Variants in ZNF880 observed in about 807,000 individuals in gnomAD.
ZNF880 encodes zinc finger protein LOC400713.
Under a neutral mutation model 11.8 loss-of-function variants are expected in ZNF880, and 12 were observed. The ratio of observed to expected loss-of-function variants is 1.02; its 90% CI spans 0.65 to 1.65. The LOEUF (loss-of-function observed/expected upper bound fraction) is 1.65, where lower values mean the gene tolerates loss of function less well. Among genes scored for constraint, ZNF880 ranks in the 40% most tolerant of loss-of-function variants. The pLI is 0.00. For missense variants in ZNF880, 601 were observed against 673.9 expected (o/e 0.89, Z 1.20); for synonymous variants, 210 against 232.4 (o/e 0.90, Z 0.88).
chr19:52,378,311 C>T (rs1159395140), intron 3 of ZNF880, among the ~76,000 whole-genome samples: 1 of 152,082 alleles, frequency 6.6e-6, no homozygotes, highest in Non-Finnish European at 1.5e-5. Flanking sequence ...GGTGGCTCTT[C>T]TGAGATTTTT....
At chr19:52,386,437 G>A (rs1211118291), downstream of ZNF880, among the ~76,000 whole-genome samples, 3 of 143,142 alleles carry the variant, frequency 2.1e-5, no homozygotes, top group African/African-American at 8.2e-5. Context: ...CATATCTGTA[G>A]AAATCATGCA....
chr19:52,376,527 T>TTTTTTTTTGAGATG (rs1986561704), intron 3 of ZNF880, among the ~76,000 whole-genome samples: 1 of 138,594 alleles, frequency 7.2e-6, no homozygotes. Context: ...TTTTTTTTTT[T>TTTTTTTTTGAGATG]GAGACAGCGT....
At chr19:52,376,643 G>A (rs1986566916) in intron 3 of ZNF880, among the ~76,000 whole-genome samples, 3 of 151,394 alleles carry the variant, frequency 2.0e-5, no homozygotes, top group Non-Finnish European at 4.4e-5. Flanking sequence ...CTGAGTAGCT[G>A]GGATTACAGG....
Position 52,369,960 on chromosome 19 carries a change from A to C in ZNF880, c.-6A>C. On this transcript the variant is annotated 5_prime_UTR_variant, in exon 1 of 4. Transcript: ENST00000422689. ...ACCCGGAAGCAGATTACGTGGAGTG[A>C]CGGTCATGCTGCGGCGTGTGAGTTT... The C allele has an allele frequency of 3.9e-6, 6 of 1,551,592 alleles. No individual in the cohort carries two copies. Among genetic ancestry groups the C allele is most frequent in the Non-Finnish European group, 4.4e-6 (5 of 1,146,978 alleles).
At chr19:52,388,639 T>C (rs35721330), downstream of ZNF880, among the ~76,000 whole-genome samples, 4 of 151,878 alleles carry the variant, frequency 2.6e-5, no homozygotes, top group East Asian at 1.9e-4. Flanking sequence ...GTTTGTATTA[T>C]ATATTGAGAA....
the ZNF880 span, chr19:52,396,228 C>G: frequency 7.2e-5 from 11 of 151,994 alleles, no homozygotes; most frequent in African/African-American, 2.7e-4. Context: ...CCTCGGCCTC[C>G]CAAAGTATTG....
chr19:52,369,089 G>T (rs899978194), upstream of ZNF880, among the ~76,000 whole-genome samples: 22 of 151,412 alleles, frequency 1.5e-4, no homozygotes, highest in Non-Finnish European at 3.1e-4. Flanking sequence ...TTGGCCGGGT[G>T]CGGTGGCTCA....
chr19:52,393,867 TGCTC>T, the ZNF880 span, among the ~76,000 whole-genome samples: 1 of 133,390 alleles, frequency 7.5e-6, no homozygotes, highest in Non-Finnish European at 1.5e-5. Context: ...GACGGAGTCT[TGCTC>T]TGTCGCCCAG....
chr19:52,378,737 A>C (rs1986626790), intron 3 of ZNF880, among the ~76,000 whole-genome samples: 1 of 152,058 alleles, frequency 6.6e-6, no homozygotes, highest in South Asian at 2.1e-4. Flanking sequence ...TCTGGTTATA[A>C]GACTAAAGCC....
rs1188125771 is a variant in ZNF880 at position 52,384,199 on chromosome 19, A to C, written c.619A>C (p.Thr207Pro). ...SRLANNQVIH[T>P]ADNPYKCNEC... ...ACTTGCTAACAATCAAGTAATCCAC[A>C]CTGCAGATAACCCTTACAAATGTAA... Residue 207 changes from threonine (T) to proline (P), a missense_variant, in exon 4 of 4, where the codon ACT becomes CCT. Around this residue, in one of 3 missense-constraint regions of ZNF880, gnomAD observed 420 missense variants for 442.6 expected, o/e 0.95. Transcript: ENST00000422689. 2 of 1,611,802 alleles carry C rather than the reference A, an allele frequency of 1.2e-6. No individual in the cohort carries two copies. Among genetic ancestry groups the C allele is most frequent in the South Asian group, 2.2e-5 (2 of 90,850 alleles).
intron 1 of ZNF880, among the ~76,000 whole-genome samples, chr19:52,371,573 A>C (rs1236970950): frequency 6.6e-6 from 1 of 151,868 alleles, no homozygotes; most frequent in Non-Finnish European, 1.5e-5. Context: ...ATGGGGTTTC[A>C]CCATGTTTGC....
chr19:52,376,759 C>T (rs1600248457), intron 3 of ZNF880, among the ~76,000 whole-genome samples: 1 of 152,266 alleles, frequency 6.6e-6, no homozygotes, highest in East Asian at 1.9e-4. Context: ...ATCCACCCGC[C>T]TTGGGCTCCC....
chr19:52,390,349 ACT>A, downstream of ZNF880: 1 of 424,766 alleles, frequency 2.4e-6, no homozygotes, highest in South Asian at 1.7e-5. Context: ...GAGGCCGTGA[ACT>A]CTTCCTGGTC....
chr19:52,366,934 A>G (rs934770949), upstream of ZNF880: 3 of 587,494 alleles, frequency 5.1e-6, no homozygotes, highest in African/African-American at 5.6e-5. Context: ...TGTAAAGTTA[A>G]TAACATATAT....
upstream of ZNF880, chr19:52,369,812 G>T: frequency 3.5e-6 from 3 of 847,118 alleles, no homozygotes; most frequent in Non-Finnish European, 5.8e-6. Context: ...CAGTCTCCAC[G>T]GCAGGTCTAG....
At chr19:52,377,620 C>T (rs1251958327) in intron 3 of ZNF880, among the ~76,000 whole-genome samples, 1 of 152,172 alleles carries the variant, frequency 6.6e-6, no homozygotes, top group African/African-American at 2.4e-5. Context: ...CAAGCCCCTT[C>T]TTGGGGTTGA....
In ZNF880 at chr19:52,385,563, A is replaced by ACAGGTGTGAGCCAC. The variant is rs371978669; in HGVS notation, c.*249_*250insCAGGTGTGAGCCAC. 31 of 449,612 alleles carry ACAGGTGTGAGCCAC rather than the reference A, an allele frequency of 6.9e-5. No individual in the cohort carries two copies. The highest frequency in any genetic ancestry group is 1.1e-4 in the Non-Finnish European group (28 of 253,350). The allele number at this position is 449,612 out of a possible 1,614,324, so 27.9% of individuals were successfully genotyped here. A position where few individuals can be genotyped will look rare whatever the true frequency, so the allele number is the denominator to read the frequency against. Reference sequence around the variant, plus strand: ...ATGAAACCATACAGATGGATTATGTATGCTGAGGCTATTATTCAAGGACCA... The same window carrying ACAGGTGTGAGCCAC: ...ATGAAACCATACAGATGGATTATGTACAGGTGTGAGCCACTGCTGAGGCTATTATTCAAGGACCA... On this transcript the variant is annotated 3_prime_UTR_variant, in exon 4 of 4. Transcript: ENST00000422689.
the ZNF880 span, among the ~76,000 whole-genome samples, chr19:52,392,436 G>C: frequency 6.6e-6 from 1 of 152,172 alleles, no homozygotes; most frequent in Admixed American, 6.5e-5. Flanking sequence ...AGGGAGCTGG[G>C]ATTACAGGCG....
Position 52,385,275 on chromosome 19 carries a change from TC to T in ZNF880, c.1696del (p.His566IlefsTer31). 1 of 1,551,788 alleles carries T rather than the reference TC, an allele frequency of 6.4e-7. No homozygotes were observed. Among genetic ancestry groups the T allele is most frequent in the Non-Finnish European group, 8.7e-7 (1 of 1,147,106 alleles). On this transcript the variant is annotated frameshift_variant, in exon 4 of 4. Coordinates refer to ENST00000422689, the MANE Select transcript of ZNF880 (RefSeq NM_001145434.2). LOFTEE classifies it low-confidence loss of function (END_TRUNC). Reference sequence around the variant, plus strand: ...TCACTCGAAATTCAAACCTGGCAAATCATCACAGAATCCATACTGGAGAGAA... The same window carrying T: ...TCACTCGAAATTCAAACCTGGCAAATATCACAGAATCCATACTGGAGAGAA... ...DFTRNSNLAN[H>X]HRIHTGEKPY...
Sources: gnomAD v4.1 joint callset for allele counts (sites outside exome capture counted in the v4.1 genomes callset) on GRCh38, gnomAD v4.1.1 for gene constraint, gnomAD v4.1.1 regional missense constraint, MANE v1.5 for transcripts, NCBI Gene and HGNC (gene_info 2026-07-23, HGNC 2026-07-21) for gene names.